Variants in L3MBTL4 observed in about 807,000 individuals in gnomAD.
L3MBTL4 encodes the protein lethal(3)malignant brain tumor-like protein 4.
A neutral mutation model predicts 84.5 loss-of-function variants in L3MBTL4; 70 were observed. That is an observed-to-expected ratio of 0.83 (90% CI 0.68 to 1.01). The LOEUF is 1.01. L3MBTL4 is among the 50% of genes least tolerant of loss of function. The pLI, the probability that L3MBTL4 is intolerant of heterozygous loss-of-function variation, is 0.00. For synonymous variants in L3MBTL4, 274 were observed against 259.8 expected (o/e 1.05, Z -0.52); for missense variants, 715 against 754.8 (o/e 0.95, Z 0.62).
chr18:6,250,070 C>G (rs1033295491), intron 5 of L3MBTL4, among the ~76,000 whole-genome samples: 1 of 152,198 alleles, frequency 6.6e-6, no homozygotes, highest in African/African-American at 2.4e-5. Flanking sequence ...CAAAGAAGCG[C>G]CAGTGCTCTT....
At chr18:6,405,193 G>C (rs2055674676) in intron 1 of L3MBTL4, among the ~76,000 whole-genome samples, 2 of 152,164 alleles carry the variant, frequency 1.3e-5, no homozygotes, top group Admixed American at 6.5e-5. Context: ...AAGTGAAACA[G>C]ATCTTTCTTT....
At chr18:6,071,418 C>T (rs919792889) in intron 16 of L3MBTL4, among the ~76,000 whole-genome samples, 7 of 151,044 alleles carry the variant, frequency 4.6e-5, no homozygotes, top group Non-Finnish European at 8.8e-5. Context: ...AGATAGTAGC[C>T]CTAAGTCCAA....
chr18:6,233,421 C>A (rs1437566350), intron 10 of L3MBTL4, among the ~76,000 whole-genome samples: 1 of 149,852 alleles, frequency 6.7e-6, no homozygotes, highest in East Asian at 1.9e-4. Context: ...TTAGAAAACC[C>A]TATCATCTCA....
At chr18:6,235,029 G>A (rs1297632261) in intron 10 of L3MBTL4, among the ~76,000 whole-genome samples, 1 of 152,172 alleles carries the variant, frequency 6.6e-6, no homozygotes, top group Non-Finnish European at 1.5e-5. Flanking sequence ...GAACATGGAT[G>A]AAGCTGGAAA....
chr18:6,347,902 C>T (rs961798256), intron 1 of L3MBTL4, among the ~76,000 whole-genome samples: 9 of 151,966 alleles, frequency 5.9e-5, no homozygotes, highest in African/African-American at 1.9e-4. Flanking sequence ...ACAACAGGAT[C>T]TGAACACAAA....
chr18:6,201,396 A>C (rs79038367), intron 12 of L3MBTL4, among the ~76,000 whole-genome samples: 308 of 152,272 alleles, frequency 2.0e-3, no homozygotes, highest in African/African-American at 7.1e-3. Context: ...GAAGAGAATG[A>C]GGAGAAGGCT....
At chr18:6,388,282 T>C (rs750406985) in intron 1 of L3MBTL4, among the ~76,000 whole-genome samples, 1 of 152,176 alleles carries the variant, frequency 6.6e-6, no homozygotes, top group Non-Finnish European at 1.5e-5. Flanking sequence ...TCTGGCATTA[T>C]TTGAGAAGAA....
At chr18:6,014,234 T>C (rs1003249827) in intron 16 of L3MBTL4, among the ~76,000 whole-genome samples, 3 of 152,194 alleles carry the variant, frequency 2.0e-5, no homozygotes, top group Admixed American at 6.5e-5. Flanking sequence ...AAATACTTTG[T>C]GGCACTTCTC....
chr18:6,273,844 T>G (rs1419642976), intron 4 of L3MBTL4, among the ~76,000 whole-genome samples: 1 of 152,204 alleles, frequency 6.6e-6, no homozygotes, highest in Non-Finnish European at 1.5e-5. Flanking sequence ...TGTGAGGGTA[T>G]GATCAAGAAG....
chr18:5,965,963 T>C (rs561467688), intron 17 of L3MBTL4, among the ~76,000 whole-genome samples: 1 of 152,298 alleles, frequency 6.6e-6, no homozygotes, highest in African/African-American at 2.4e-5. Flanking sequence ...GGCTCATATT[T>C]TAAATCTAGA....
intron 1 of L3MBTL4, among the ~76,000 whole-genome samples, chr18:6,371,740 A>G (rs1431942802): frequency 1.3e-5 from 2 of 152,236 alleles, no homozygotes; most frequent in Non-Finnish European, 2.9e-5. Context: ...TTAAGAAAAT[A>G]GATGCCAACC....
chr18:6,266,994 T>C (rs930324832), intron 4 of L3MBTL4, among the ~76,000 whole-genome samples: 1 of 151,990 alleles, frequency 6.6e-6, no homozygotes, highest in Admixed American at 6.6e-5. Flanking sequence ...ATGTGACAAG[T>C]GTGCAGGAAA....
chr18:6,128,155 T>C (rs1417294342), intron 14 of L3MBTL4, among the ~76,000 whole-genome samples: 1 of 138,142 alleles, frequency 7.2e-6, no homozygotes, highest in East Asian at 2.0e-4. Flanking sequence ...AATCAGAGAA[T>C]AAGAATGTGT....
chr18:6,180,537 A>G (rs2044422527), intron 12 of L3MBTL4, among the ~76,000 whole-genome samples: 1 of 152,174 alleles, frequency 6.6e-6, no homozygotes, highest in South Asian at 2.1e-4. Context: ...AGTTGCTTCC[A>G]TCTTCCATTT....
chr18:6,157,388 A>T (rs1212240942), intron 13 of L3MBTL4, among the ~76,000 whole-genome samples: 1 of 152,230 alleles, frequency 6.6e-6, no homozygotes, highest in Non-Finnish European at 1.5e-5. Context: ...AAAAAATTGC[A>T]TTAACTTTTA....
intron 1 of L3MBTL4, among the ~76,000 whole-genome samples, chr18:6,326,246 A>G (rs2051711280): frequency 6.6e-6 from 1 of 152,216 alleles, no homozygotes; most frequent in Non-Finnish European, 1.5e-5. Context: ...CTCTTAAGCA[A>G]AAAAGGTGTC....
intron 1 of L3MBTL4, among the ~76,000 whole-genome samples, chr18:6,412,525 G>A (rs770775198): frequency 6.6e-6 from 1 of 152,004 alleles, no homozygotes; most frequent in African/African-American, 2.4e-5. Flanking sequence ...TGCTTCCTAC[G>A]CAGCCTCCTG....
At chr18:6,285,609 T>C (rs2049536993) in intron 4 of L3MBTL4, among the ~76,000 whole-genome samples, 4 of 151,894 alleles carry the variant, frequency 2.6e-5, no homozygotes, top group Admixed American at 2.6e-4. Context: ...CCAGGGCACA[T>C]ACCATTGCTC....
chr18:6,318,907 A>G lies in L3MBTL4; in HGVS notation c.-90-6851T>C, dbSNP rs145928196. ...ACAAAACAAGTCTTGATACATTTTA[A>G]CATATCAAAATCATATTAAGTATCT... On this transcript the variant is annotated intron_variant, in intron 1 of 18. Transcript: ENST00000317931. Among the ~76,000 whole-genome samples, 1,084 of 152,252 alleles carry G rather than the reference A, an allele frequency of 7.1e-3. 16 individuals carry two copies. The highest frequency in any genetic ancestry group is 0.025 in the African/African-American group (1,032 of 41,566).
Sources: allele counts gnomAD v4.1 joint callset (sites outside exome capture counted in the v4.1 genomes callset), GRCh38; gene constraint gnomAD v4.1.1; transcripts MANE v1.5; gene names NCBI Gene and HGNC (gene_info 2026-07-23, HGNC 2026-07-21).